Variants in PCGF3 observed in about 807,000 individuals in gnomAD.
PCGF3 encodes the protein polycomb group RING finger protein 3.
Under a neutral mutation model 33.1 loss-of-function variants are expected in PCGF3, and 7 were observed. The observed-to-expected ratio is 0.21, with a 90% CI of 0.12 to 0.40. PCGF3 has a LOEUF of 0.40. Among genes scored for constraint, PCGF3 ranks in the 10% least tolerant of loss-of-function variants. The pLI is 1.00. For synonymous variants in PCGF3, 153 were observed against 121.3 expected, an observed-to-expected ratio of 1.26 and a Z score of -1.72; for missense variants, 211 against 313.3, an observed-to-expected ratio of 0.67 and a Z score of 2.46.
chr4:739,841 C>T (rs996578420), intron 6 of PCGF3, among the ~76,000 whole-genome samples: 6 of 152,220 alleles, frequency 3.9e-5, no homozygotes, highest in African/African-American at 1.2e-4. Flanking sequence ...TTGAAGAAGT[C>T]GAGAGGCAAG....
chr4:714,994 T>C (rs1424287614), intron 1 of PCGF3, among the ~76,000 whole-genome samples: 2 of 147,450 alleles, frequency 1.4e-5, no homozygotes, highest in Non-Finnish European at 3.0e-5. Flanking sequence ...GAACTGGGTG[T>C]CGGTGCTGGG....
intron 1 of PCGF3, chr4:725,169 G>A (rs1376438549): frequency 6.6e-6 from 1 of 152,346 alleles, no homozygotes; most frequent in Non-Finnish European, 1.5e-5. Context: ...CGCTTCTGTG[G>A]TTGGTTTTGA....
intron 8 of PCGF3, 49 bp downstream of exon 8, chr4:744,737 C>T (rs113472699): frequency 1.6e-4 from 75 of 456,106 alleles, no homozygotes; most frequent in African/African-American, 1.4e-3. Context: ...GCCGTGGAGG[C>T]GTGAGCAGGT....
intron 1 of PCGF3, among the ~76,000 whole-genome samples, chr4:716,303 G>A (rs1418348897): frequency 7.2e-6 from 1 of 139,156 alleles, no homozygotes; most frequent in Non-Finnish European, 1.6e-5. Flanking sequence ...AGAACTGGGC[G>A]TCGGTGCTGG....
exon 9 of PCGF3, chr4:761,324 A>G: frequency 6.2e-7 from 1 of 1,608,796 alleles, no homozygotes; most frequent in East Asian, 2.2e-5. Context: ...GCGCGGGCTG[A>G]AGCGGAAGTG....
chr4:758,494 CT>C (rs1744883850), intron 8 of PCGF3, among the ~76,000 whole-genome samples: 5 of 140,624 alleles, frequency 3.6e-5, no homozygotes, highest in Admixed American at 7.0e-5. Flanking sequence ...CTCCCGAGCT[CT>C]TCTCGCTCCG....
At chr4:732,313 C>G (rs964341102) in intron 3 of PCGF3, 1 of 152,320 alleles carries the variant, frequency 6.6e-6, no homozygotes, top group Non-Finnish European at 1.5e-5. Flanking sequence ...CCCTTCCCTC[C>G]CTACCCTCCC....
At chr4:727,572 A>G (rs1231250699) in intron 1 of PCGF3, among the ~76,000 whole-genome samples, 1 of 152,098 alleles carries the variant, frequency 6.6e-6, no homozygotes, top group African/African-American at 2.4e-5. Flanking sequence ...TGAATGGACA[A>G]TTATTTTGTC....
chr4:752,861 C>T (rs1261916307), intron 8 of PCGF3, among the ~76,000 whole-genome samples: 1 of 152,280 alleles, frequency 6.6e-6, no homozygotes, highest in South Asian at 2.1e-4. Context: ...GGCCTCCGCC[C>T]ATCTTCGTTT....
chr4:717,404 C>T (rs1457969686), intron 1 of PCGF3, among the ~76,000 whole-genome samples: 1 of 151,632 alleles, frequency 6.6e-6, no homozygotes, highest in Non-Finnish European at 1.5e-5. Flanking sequence ...CTTTTTTTTT[C>T]AGTCTTGCTT....
At chr4:755,733 T>G (rs1179673197) in intron 8 of PCGF3, among the ~76,000 whole-genome samples, 1 of 151,370 alleles carries the variant, frequency 6.6e-6, no homozygotes, top group Non-Finnish European at 1.5e-5. Flanking sequence ...TTGCCAAGTT[T>G]CCACACTCTC....
At chr4:766,178 A>C in exon 11 of PCGF3, 1 of 887,992 alleles carries the variant, frequency 1.1e-6, no homozygotes, top group Non-Finnish European at 1.8e-6. Context: ...TGTGGACCAG[A>C]CTTCTGAATA....
intron 1 of PCGF3, among the ~76,000 whole-genome samples, chr4:713,115 C>A (rs1243213534): frequency 6.8e-6 from 1 of 146,252 alleles, no homozygotes; most frequent in Non-Finnish European, 1.5e-5. Context: ...CCTGTGTGGT[C>A]TGGTGGGGGC....
intron 1 of PCGF3, among the ~76,000 whole-genome samples, chr4:713,106 C>CT: frequency 6.9e-6 from 1 of 144,940 alleles, no homozygotes; most frequent in African/African-American, 2.8e-5. Context: ...TTCGTGGGTC[C>CT]TGTGTGGTCT....
chr4:719,887 G>C (rs1743003838), intron 1 of PCGF3, among the ~76,000 whole-genome samples: 2 of 152,178 alleles, frequency 1.3e-5, no homozygotes, highest in South Asian at 2.1e-4. Context: ...CGGAGCGTCG[G>C]GGCCGCATTA....
chr4:764,977 C>T lies in PCGF3; in HGVS notation c.601-7C>T. 1 of 1,611,496 alleles carries T rather than the reference C, an allele frequency of 6.2e-7. No homozygotes were observed. Among genetic ancestry groups the T allele is most frequent in the Non-Finnish European group, 8.5e-7 (1 of 1,177,730 alleles). On this transcript the variant is annotated splice_polypyrimidine_tract_variant and splice_region_variant and intron_variant, in intron 9 of 10. Transcript: ENST00000362003. ...TCCGCTGCTAATCAAACCTCCTTATCCCCCAGCTGGACATTTTATGCAACG... is the reference window on the plus strand; with the variant it reads ...TCCGCTGCTAATCAAACCTCCTTATTCCCCAGCTGGACATTTTATGCAACG...
intron 3 of PCGF3, 196 bp downstream of exon 3, chr4:731,306 C>T: frequency 2.5e-6 from 1 of 398,496 alleles, no homozygotes; most frequent in Non-Finnish European, 4.4e-6. Context: ...TCCCAGGCCT[C>T]GATGGCAGTG....
intron 1 of PCGF3, among the ~76,000 whole-genome samples, chr4:727,029 C>T (rs1743358838): frequency 6.6e-6 from 1 of 152,190 alleles, no homozygotes; most frequent in African/African-American, 2.4e-5. Flanking sequence ...GCGTCTGCCC[C>T]TCTCCCCTGT....
intron 5 of PCGF3, among the ~76,000 whole-genome samples, chr4:736,455 A>T (rs888308818): frequency 6.6e-6 from 1 of 152,230 alleles, no homozygotes; most frequent in African/African-American, 2.4e-5. Context: ...TGGGAGGGGC[A>T]GGGACAGTGT....
Sources: gnomAD v4.1 joint callset for allele counts (sites outside exome capture counted in the v4.1 genomes callset) on GRCh38, gnomAD v4.1.1 for gene constraint, MANE v1.5 for transcripts, NCBI Gene and HGNC (gene_info 2026-07-23, HGNC 2026-07-21) for gene names.